MCRS1: variants seen among roughly 807,000 people sequenced by gnomAD.
MCRS1 encodes the protein 58 kDa microspherule protein.
A neutral mutation model predicts 62.9 loss-of-function variants in MCRS1; 22 were observed. The ratio of observed to expected loss-of-function variants is 0.35; its 90% confidence interval spans 0.25 to 0.50. The LOEUF (loss-of-function observed/expected upper bound fraction) is 0.50, where lower values mean the gene tolerates loss of function less well. Ranked by LOEUF, MCRS1 falls within the 20% of genes least tolerant of loss-of-function variation. MCRS1 has a pLI of 0.98. For synonymous variants in MCRS1, 244 were observed against 233.5 expected (o/e 1.04, Z -0.41); for missense variants, 456 against 601.1 (o/e 0.76, Z 2.52).
In MCRS1 at chr12:49,564,771, G is replaced by A. The variant is rs769926444; in HGVS notation, c.413C>T (p.Ala138Val). 16 of 1,613,658 alleles carry A rather than the reference G, an allele frequency of 9.9e-6. No individual in the cohort carries two copies. Among genetic ancestry groups the A allele is most frequent in the Admixed American group, 1.7e-5 (1 of 59,982 alleles). ...AGCATTTATGAGCAGGAGGTCATCTGCAGGCTTCCAGCGGCCCAGATCCTT... is the reference window on the plus strand; with the variant it reads ...AGCATTTATGAGCAGGAGGTCATCTACAGGCTTCCAGCGGCCCAGATCCTT... ...VTKDLGRWKP[A>V]DDLLLINAVL... is the part of the protein sequence containing the mutation. Residue 138 changes from alanine to valine, a missense_variant, in exon 5 of 15, where the codon GCA becomes GTA. Physicochemically the swap from Ala to Val is moderately conservative, Grantham distance 64. Coordinates refer to ENST00000343810, the MANE Select transcript of MCRS1 (RefSeq NM_006337.5).
Position 49,563,432 on chromosome 12 carries a change from C to T in MCRS1, c.666+6G>A. Reference sequence around the variant, plus strand: ...GATCCTCCACCTTCCCAGCCCTCAGCCTTACCGATCCCACTTTGCTCAGCA... The same window carrying T: ...GATCCTCCACCTTCCCAGCCCTCAGTCTTACCGATCCCACTTTGCTCAGCA... On this transcript the variant is annotated splice_donor_region_variant and intron_variant, in intron 7 of 14. Transcript: ENST00000343810. The T allele has an allele frequency of 6.2e-7, 1 of 1,610,468 alleles. No homozygotes were observed. Among genetic ancestry groups the T allele is most frequent in the Non-Finnish European group, 8.5e-7 (1 of 1,178,640 alleles).
chr12:49,559,875 T>C lies in MCRS1; in HGVS notation c.911-54A>G, dbSNP rs1938667420. ...ATGCTCTGAGGCCACCAGCACCTTG[T>C]ACTGGTCCTCTTGATTCTGGCAGGA... On this transcript the variant is annotated intron_variant, in intron 10 of 14. Transcript: ENST00000343810. The surrounding 1 kb of genome is among the most constrained non-coding windows in gnomAD (Gnocchi z 5.2). The C allele has an allele frequency of 1.2e-5, 20 of 1,613,972 alleles. No individual in the cohort carries two copies. Among genetic ancestry groups the C allele is most frequent in the Non-Finnish European group, 1.6e-5 (19 of 1,179,922 alleles).
In MCRS1 at chr12:49,559,115, G is replaced by T; in HGVS notation, c.1174+99C>A. On this transcript the variant is annotated intron_variant, in intron 13 of 14. Coordinates refer to ENST00000343810, the MANE Select transcript of MCRS1 (RefSeq NM_006337.5). The surrounding 1 kb of genome is among the most constrained non-coding windows in gnomAD (Gnocchi z 5.2). ...ATCCCTGCCTCAGGTGGTCCACGAG[G>T]GTCCCCATGGACACCAAGCCCAGGG... The T allele has an allele frequency of 6.5e-7, 1 of 1,527,904 alleles. No individual in the cohort carries two copies. Among genetic ancestry groups the T allele is most frequent in the Non-Finnish European group, 9.0e-7 (1 of 1,112,358 alleles). 94.6% of individuals were successfully genotyped at this position (1,527,904 alleles called of 1,614,324 possible). A position where few individuals can be genotyped will look rare whatever the true frequency, so the allele number is the denominator to read the frequency against.
chr12:49,562,911 G>C, intron 8 of MCRS1, 90 bp downstream of exon 8: 2 of 1,450,482 alleles, frequency 1.4e-6, no homozygotes, highest in South Asian at 2.8e-5. Context: ...TCTGTTACAG[G>C]GCACTTGAAG....
In MCRS1 at chr12:49,559,883, C is replaced by G; in HGVS notation, c.910+56G>C. ...AGGCCACCAGCACCTTGTACTGGTC[C>G]TCTTGATTCTGGCAGGAGCTTCCAT... On this transcript the variant is annotated intron_variant, in intron 10 of 14. Transcript: ENST00000343810. The surrounding 1 kb of genome is among the most constrained non-coding windows in gnomAD (Gnocchi z 5.2). 6.2e-7 allele frequency: 1 copy of G among 1,613,904 alleles called. No homozygotes were observed. The highest frequency in any genetic ancestry group is 8.5e-7 in the Non-Finnish European group (1 of 1,179,784).
chr12:49,566,660 G>A (rs1006468575), intron 2 of MCRS1, 62 bp downstream of exon 2: 25 of 1,610,484 alleles, frequency 1.6e-5, no homozygotes, highest in Non-Finnish European at 2.0e-5. Context: ...GCCAGGCACA[G>A]AGTGGAATCA....
At chr12:49,566,297 C>A in intron 2 of MCRS1, 82 bp from the exon 3 acceptor site, 1 of 1,568,164 alleles carries the variant, frequency 6.4e-7, no homozygotes, top group Non-Finnish European at 8.7e-7. Context: ...GCCCCCTTCC[C>A]CTGCCAGCCC....
chr12:49,558,888 C>G lies in MCRS1; in HGVS notation c.1257G>C (p.Val419=). 12 of 1,613,094 alleles carry G rather than the reference C, an allele frequency of 7.4e-6. No homozygotes were observed. Among genetic ancestry groups the G allele is most frequent in the Non-Finnish European group, 1.0e-5 (12 of 1,180,028 alleles). ...RRPIYIDGRP[V]LCGSKWRLSN... is the part of the protein sequence containing the mutation. ...TGAGGCGCCATTTGGAGCCACAGAG[C>G]ACCGGCCGTCCATCGATGTAGATGG... Residue 419 remains valine (V), a synonymous_variant, in exon 14 of 15, where the codon GTG becomes GTC. Transcript: ENST00000343810.
Position 49,563,059 on chromosome 12 carries a change from C to G in MCRS1, c.747G>C (p.Lys249Asn). The change falls in exon 8 of 15, where the codon AAG (lysine) becomes AAC (asparagine). Residue 249 changes from lysine (K) to asparagine (N), a missense_variant. Transcript: ENST00000343810. ...PDAFYLARTA[K>N]ALQAHWQLMK... is the part of the protein sequence containing the mutation. ...TGAGCTGCCAGTGGGCCTGCAGGGCCTTCGCGGTACGGGCCAGGTAGAAGG... is the reference window on the plus strand; with the variant it reads ...TGAGCTGCCAGTGGGCCTGCAGGGCGTTCGCGGTACGGGCCAGGTAGAAGG... The G allele has an allele frequency of 2.5e-6, 4 of 1,581,798 alleles. No individual in the cohort carries two copies. The highest frequency in any genetic ancestry group is 3.4e-6 in the Non-Finnish European group (4 of 1,161,746).
intron 5 of MCRS1, 26 bp from the exon 6 acceptor site, chr12:49,564,616 C>A (rs1416151139): frequency 1.2e-6 from 2 of 1,609,208 alleles, no homozygotes; most frequent in South Asian, 2.2e-5. Flanking sequence ...AGGATTTGCT[C>A]CAGCCTTGGA....
In MCRS1 at chr12:49,563,498, G is replaced by A. The variant is rs1256184837; in HGVS notation, c.606C>T (p.Ala202=). ...MRQLHPEAIA[A]IQSKALFSKA... is the part of the protein sequence containing the mutation. ...TGCTAAACAGGGCCTTGCTCTGGATGGCTGCAATAGCCTCTGGGTGCAGCT... is the reference window on the plus strand; with the variant it reads ...TGCTAAACAGGGCCTTGCTCTGGATAGCTGCAATAGCCTCTGGGTGCAGCT... The change falls in exon 7 of 15, where the codon GCC becomes GCT. Residue 202 remains alanine (A), a synonymous_variant. Coordinates refer to ENST00000343810, the MANE Select transcript of MCRS1 (RefSeq NM_006337.5). The A allele has an allele frequency of 6.2e-7, 1 of 1,612,546 alleles. No individual in the cohort carries two copies.
chr12:49,559,028 G>C lies in MCRS1; in HGVS notation c.1175-58C>G, dbSNP rs1473532542. On this transcript the variant is annotated intron_variant, in intron 13 of 14. Coordinates refer to ENST00000343810, the MANE Select transcript of MCRS1 (RefSeq NM_006337.5). The surrounding 1 kb of genome is among the most constrained non-coding windows in gnomAD (Gnocchi z 5.2). The stretch of plus-strand genomic sequence containing the variant: ...GATGGGGAGGGATTGATGGGATGGG[G>C]AAAGGCCAGAGAGAGCCAGGAGCTT... The C allele has an allele frequency of 2.4e-5, 38 of 1,603,672 alleles. No homozygotes were observed. Among genetic ancestry groups the C allele is most frequent in the Non-Finnish European group, 3.0e-5 (35 of 1,175,794 alleles).
intron 9 of MCRS1, 133 bp downstream of exon 9, chr12:49,560,157 TGGGAG>T: frequency 8.5e-7 from 1 of 1,182,418 alleles, no homozygotes; most frequent in Admixed American, 1.8e-5. Context: ...AAGGCCCCAG[TGGGAG>T]GGGAGGGGGC....
rs1244435600 is a variant in MCRS1 at position 49,564,494 on chromosome 12, G to A, written c.544C>T (p.Pro182Ser). Residue 182 changes from proline to serine, a missense_variant, in exon 6 of 15, where the codon CCT (proline) becomes TCT (serine). Physicochemically the swap from Pro to Ser is moderately conservative, Grantham distance 74. Transcript: ENST00000343810. Reference sequence around the variant, plus strand: ...GCTCCCACTCACTTGGAGATGACAGGATCGTAGAGCAGGGCGTACCAACGC... The same window carrying A: ...GCTCCCACTCACTTGGAGATGACAGAATCGTAGAGCAGGGCGTACCAACGC... Reference protein sequence around the residue: ...QERWYALLYDPVISKLACQAM... With the variant: ...QERWYALLYDSVISKLACQAM... The A allele has an allele frequency of 8.7e-6, 14 of 1,612,728 alleles. No individual in the cohort carries two copies. The highest frequency in any genetic ancestry group is 1.3e-5 in the African/African-American group (1 of 74,882).
At chr12:49,563,336 A>G (rs1938876585) in intron 7 of MCRS1, 102 bp downstream of exon 7, 3 of 1,367,574 alleles carry the variant, frequency 2.2e-6, no homozygotes, top group South Asian at 2.5e-5. Context: ...GCATGTGCAC[A>G]TATCCAGACA....
In MCRS1 at chr12:49,558,912, G is replaced by A. The variant is rs1276883845; in HGVS notation, c.1233C>T (p.Pro411=). 1 of 1,612,998 alleles carries A rather than the reference G, an allele frequency of 6.2e-7. No individual in the cohort carries two copies. Among genetic ancestry groups the A allele is most frequent in the East Asian group, 2.2e-5 (1 of 44,850 alleles). ...DFFIANEGRR[P]IYIDGRPVLC... is the part of the protein sequence containing the mutation. Reference sequence around the variant, plus strand: ...GCACCGGCCGTCCATCGATGTAGATGGGCCGTCGACCCTCATTGGCAATGA... The same window carrying A: ...GCACCGGCCGTCCATCGATGTAGATAGGCCGTCGACCCTCATTGGCAATGA... The change falls in exon 14 of 15, where the codon CCC becomes CCT. Residue 411 remains proline, a synonymous_variant. Transcript: ENST00000343810.
Position 49,564,531 on chromosome 12 carries a change from C to T in MCRS1, c.507G>A (p.Arg169=). 1 of 1,613,324 alleles carries T rather than the reference C, an allele frequency of 6.2e-7. No homozygotes were observed. Among genetic ancestry groups the T allele is most frequent in the Non-Finnish European group, 8.5e-7 (1 of 1,179,586 alleles). ...GGGCGTACCAACGCTCCTGGACCTC[C>T]CGAAGGGTGAAGCGGCAGCTGAATT... is the stretch of plus-strand genomic sequence containing the variant. ...GVKFSCRFTL[R]EVQERWYALL... Residue 169 remains arginine (R), a synonymous_variant, in exon 6 of 15, where the codon CGG becomes CGA. Transcript: ENST00000343810.
chr12:49,564,356 C>A, intron 6 of MCRS1, 125 bp downstream of exon 6: 1 of 734,748 alleles, frequency 1.4e-6, no homozygotes, highest in East Asian at 2.7e-5. Flanking sequence ...GTATCACCCC[C>A]AAGGAGCCTC....
rs368806010 is a variant in MCRS1 at position 49,559,684 on chromosome 12, G to A, written c.1003+45C>T. The A allele has an allele frequency of 1.5e-4, 242 of 1,608,742 alleles. No homozygotes were observed. The African/African-American group carries it at 1.8e-3, about 12-fold the overall frequency. On this transcript the variant is annotated intron_variant, in intron 11 of 14. Coordinates refer to ENST00000343810, the MANE Select transcript of MCRS1 (RefSeq NM_006337.5). The surrounding 1 kb of genome is among the most constrained non-coding windows in gnomAD (Gnocchi z 5.2). The stretch of plus-strand genomic sequence containing the variant: ...CAGCAACAGGGGCACAGGCTGGGGC[G>A]AAGGATGCTGAAGAGTGAGCCTTCT...
Sources: allele counts gnomAD v4.1 joint callset, GRCh38; gene constraint gnomAD v4.1.1; non-coding constraint Gnocchi (gnomAD v3.1); transcripts MANE v1.5; gene names NCBI Gene and HGNC (gene_info 2026-07-23, HGNC 2026-07-21).